TENM4: variants seen among roughly 807,000 people sequenced by gnomAD.
TENM4 encodes the protein teneurin-4.
Under a neutral mutation model 243.3 loss-of-function variants are expected in TENM4, and 82 were observed. That is an observed-to-expected ratio of 0.34 (90% confidence interval 0.28 to 0.40). The LOEUF is 0.40. Ranked by LOEUF, TENM4 falls within the 10% of genes least tolerant of loss-of-function variation. TENM4 has a pLI of 1.00. For missense variants in TENM4, 3,138 were observed against 3,673.3 expected (o/e 0.85, Z 3.77); for synonymous variants, 1,412 against 1,456.3 (o/e 0.97, Z 0.69).
intron 6 of TENM4, among the ~76,000 whole-genome samples, chr11:79,047,958 C>G (rs745713962): frequency 6.6e-6 from 1 of 151,774 alleles, no homozygotes; most frequent in Non-Finnish European, 1.5e-5. Flanking sequence ...TATAATAACA[C>G]CTATTAAGTT....
chr11:78,698,518 T>C (rs1284538705), intron 28 of TENM4, among the ~76,000 whole-genome samples: 1 of 151,966 alleles, frequency 6.6e-6, no homozygotes, highest in Admixed American at 6.6e-5. Context: ...AAATAGAACA[T>C]TTCGGTTATA....
At chr11:79,199,583 C>T (rs951485610) in intron 3 of TENM4, among the ~76,000 whole-genome samples, 2 of 152,102 alleles carry the variant, frequency 1.3e-5, no homozygotes, top group Non-Finnish European at 2.9e-5. Flanking sequence ...AATCAAATAC[C>T]CAGAAATGGG....
At chr11:78,906,039 A>G (rs1195115872) in intron 6 of TENM4, among the ~76,000 whole-genome samples, 1 of 152,186 alleles carries the variant, frequency 6.6e-6, no homozygotes, top group Non-Finnish European at 1.5e-5. Context: ...TGGCTGAACC[A>G]CTACTGTCCA....
intron 1 of TENM4, among the ~76,000 whole-genome samples, chr11:79,363,939 A>C (rs1387646637): frequency 1.3e-5 from 2 of 152,204 alleles, no homozygotes. Context: ...TGCAAGTGAC[A>C]CATAAGCTGA....
intron 3 of TENM4, among the ~76,000 whole-genome samples, chr11:79,155,513 C>T (rs749259723): frequency 5.3e-5 from 8 of 152,150 alleles, no homozygotes; most frequent in Non-Finnish European, 8.8e-5. Flanking sequence ...AGATAGACTC[C>T]AGAGTGCTCC....
intron 6 of TENM4, among the ~76,000 whole-genome samples, chr11:79,003,737 C>T (rs1378967490): frequency 6.6e-6 from 1 of 152,094 alleles, no homozygotes; most frequent in Non-Finnish European, 1.5e-5. Context: ...GGTCTATGTA[C>T]ACACATAAGT....
intron 3 of TENM4, among the ~76,000 whole-genome samples, chr11:79,150,093 C>T (rs1015451220): frequency 6.6e-6 from 1 of 152,126 alleles, no homozygotes. Context: ...ACCCCAGGAT[C>T]CCTCTGACTC....
intron 30 of TENM4, among the ~76,000 whole-genome samples, chr11:78,673,925 G>A (rs1233258785): frequency 1.3e-5 from 2 of 152,232 alleles, no homozygotes; most frequent in Non-Finnish European, 2.9e-5. Context: ...CAAAAACAGT[G>A]TGGCAGATGA....
chr11:78,688,337 G>C, intron 28 of TENM4, 111 bp from the exon 29 acceptor site: 1 of 1,209,862 alleles, frequency 8.3e-7, no homozygotes, highest in Non-Finnish European at 1.2e-6. Flanking sequence ...TTTCTTTCTG[G>C]CTGGATACAT....
intron 6 of TENM4, among the ~76,000 whole-genome samples, chr11:78,995,026 T>C (rs1858136992): frequency 6.6e-6 from 1 of 152,098 alleles, no homozygotes; most frequent in Non-Finnish European, 1.5e-5. Flanking sequence ...CATAAAGTAG[T>C]GAGTGAGGTG....
intron 7 of TENM4, among the ~76,000 whole-genome samples, chr11:78,901,035 G>C (rs1446280047): frequency 6.6e-6 from 1 of 152,022 alleles, no homozygotes; most frequent in Non-Finnish European, 1.5e-5. Context: ...AGTAGGACTG[G>C]ATAGACCACG....
At chr11:79,350,823 G>A (rs1469185725) in intron 1 of TENM4, among the ~76,000 whole-genome samples, 1 of 152,058 alleles carries the variant, frequency 6.6e-6, no homozygotes, top group Non-Finnish European at 1.5e-5. Context: ...CAACCCAGCA[G>A]TCAGAGTGAT....
intron 3 of TENM4, among the ~76,000 whole-genome samples, chr11:79,198,217 G>A (rs1863672515): frequency 6.6e-6 from 1 of 152,230 alleles, no homozygotes. Flanking sequence ...CCGCCACTGT[G>A]TGAAGAACCA....
In TENM4 at chr11:79,119,141, A is replaced by T. The variant is rs372221278; in HGVS notation, c.-66+29569T>A. On this transcript the variant is annotated intron_variant, in intron 4 of 33. Transcript: ENST00000278550. ...GTGCCCTCACTAAATAGCAGTTCCC[A>T]AAGCCAGGGCTCAGCCAAGTACATT... Among the ~76,000 whole-genome samples, 5 of 152,222 alleles carry T rather than the reference A, an allele frequency of 3.3e-5. No homozygotes were observed. The South Asian group carries it at 1.0e-3, about 32-fold the overall frequency.
intron 6 of TENM4, among the ~76,000 whole-genome samples, chr11:78,904,192 C>T (rs1315432104): frequency 6.6e-6 from 1 of 151,642 alleles, no homozygotes; most frequent in African/African-American, 2.4e-5. Context: ...AACCCTGTCT[C>T]TACTAAAAAT....
chr11:78,795,151 C>T (rs1041874872), intron 15 of TENM4, among the ~76,000 whole-genome samples: 1 of 152,158 alleles, frequency 6.6e-6, no homozygotes, highest in Admixed American at 6.5e-5. Context: ...CTCCTTGAAA[C>T]CCCCTCCCGG....
chr11:79,162,380 C>T (rs1862766902), intron 3 of TENM4, among the ~76,000 whole-genome samples: 1 of 152,086 alleles, frequency 6.6e-6, no homozygotes, highest in Non-Finnish European at 1.5e-5. Flanking sequence ...TCATAAAGGG[C>T]TTAGAACAGA....
At chr11:79,149,266 A>G (rs1032501304) in intron 3 of TENM4, among the ~76,000 whole-genome samples, 3 of 152,050 alleles carry the variant, frequency 2.0e-5, no homozygotes, top group Non-Finnish European at 2.9e-5. Flanking sequence ...TGGCCCCACC[A>G]CTTCTGACTG....
At chr11:78,706,758 C>T (rs375676839) in intron 27 of TENM4, among the ~76,000 whole-genome samples, 10 of 152,150 alleles carry the variant, frequency 6.6e-5, no homozygotes, top group South Asian at 4.1e-4. Flanking sequence ...TGAAAATTTT[C>T]GGCACCCTGT....
Sources: allele counts gnomAD v4.1 joint callset (sites outside exome capture counted in the v4.1 genomes callset), GRCh38; gene constraint gnomAD v4.1.1; transcripts MANE v1.5; gene names NCBI Gene and HGNC (gene_info 2026-07-23, HGNC 2026-07-21).